DGKB: variants seen among roughly 807,000 people sequenced by gnomAD.
The protein encoded by DGKB is diacylglycerol kinase beta.
In DGKB, 67 loss-of-function variants were observed where a neutral mutation model predicts 114.3. The observed-to-expected ratio is 0.59, with a 90% CI of 0.48 to 0.72. DGKB has a LOEUF of 0.72. Among genes scored for constraint, DGKB ranks in the 30% least tolerant of loss-of-function variants. The pLI, the probability that DGKB is intolerant of heterozygous loss-of-function variation, is 0.00. For synonymous variants in DGKB, 398 were observed against 323.1 expected (o/e 1.23, Z -2.49); for missense variants, 907 against 975.2 (o/e 0.93, Z 0.93).
chr7:14,230,851 T>C (rs1477425322), intron 23 of DGKB, among the ~76,000 whole-genome samples: 1 of 152,052 alleles, frequency 6.6e-6, no homozygotes, highest in Non-Finnish European at 1.5e-5. Flanking sequence ...TAAGTCAAAG[T>C]ACCTCAGGGA....
intron 21 of DGKB, among the ~76,000 whole-genome samples, chr7:14,397,591 CAG>C (rs1452039776): frequency 6.6e-6 from 1 of 152,094 alleles, no homozygotes; most frequent in East Asian, 1.9e-4. Context: ...TTTAGCCTTA[CAG>C]AGTCTCTTTA....
At chr7:14,588,604 C>A (rs930588233) in intron 17 of DGKB, among the ~76,000 whole-genome samples, 1 of 152,122 alleles carries the variant, frequency 6.6e-6, no homozygotes, top group Admixed American at 6.6e-5. Context: ...TCCCTTTCAT[C>A]CTTCCTTTTG....
Position 14,839,371 on chromosome 7 carries a change from G to C in DGKB, c.70+1823C>G, listed in dbSNP as rs150413225. Among the ~76,000 whole-genome samples, 63 of 151,566 alleles carry C rather than the reference G, an allele frequency of 4.2e-4. No individual in the cohort carries two copies. In the East Asian group the frequency reaches 0.011, roughly 26 times the overall value. On this transcript the variant is annotated intron_variant, in intron 2 of 25. Coordinates refer to ENST00000402815, the MANE Select transcript of DGKB (RefSeq NM_001350709.2). ...ACTGCAAGTGATAAAGAAGAAGTAG[G>C]CCATTCTGAACTAAATTTTCTTTAC...
At chr7:14,710,180 T>G (rs1827117011) in intron 6 of DGKB, among the ~76,000 whole-genome samples, 1 of 152,102 alleles carries the variant, frequency 6.6e-6, no homozygotes, top group African/African-American at 2.4e-5. Flanking sequence ...ATTTAGAGCT[T>G]TAATTTCTCT....
chr7:14,220,047 A>C (rs1219224835), intron 23 of DGKB, among the ~76,000 whole-genome samples: 1 of 151,692 alleles, frequency 6.6e-6, no homozygotes, highest in Non-Finnish European at 1.5e-5. Context: ...TTACACAAAT[A>C]TAGATGATAT....
upstream of DGKB, among the ~76,000 whole-genome samples, chr7:14,903,754 C>A (rs913245488): frequency 1.3e-5 from 2 of 152,064 alleles, no homozygotes; most frequent in East Asian, 3.9e-4. Context: ...TTTTGAGGCA[C>A]GTGTGTAAAA....
At chr7:14,888,084 G>T (rs561390740) in intron 1 of DGKB, among the ~76,000 whole-genome samples, 1 of 151,826 alleles carries the variant, frequency 6.6e-6, no homozygotes, top group East Asian at 1.9e-4. Flanking sequence ...GGACAGAGTT[G>T]CAACAAGGTG....
chr7:14,332,341 G>A (rs1186989761), intron 23 of DGKB, among the ~76,000 whole-genome samples: 1 of 152,128 alleles, frequency 6.6e-6, no homozygotes, highest in Non-Finnish European at 1.5e-5. Flanking sequence ...GTTTGAGCCA[G>A]CTGGAATCTG....
At position 14,736,171 on chromosome 7, in the gene DGKB, T is replaced by C. The variant is rs1171340509; in HGVS notation, c.192A>G (p.Lys64=). ...CTTCCAGGAATGTCTTCATGAATAG[T>C]TTGAAACCTTCAAAATCTATTGTCT... ...LNQTIDFEGF[K]LFMKTFLEAE... Residue 64 remains lysine (K), a synonymous_variant, in exon 5 of 26, where the codon AAA becomes AAG. Transcript: ENST00000402815. 3.8e-6 allele frequency: 6 copies of C among 1,587,650 alleles called. No individual in the cohort carries two copies. Among genetic ancestry groups the C allele is most frequent in the South Asian group, 1.2e-5 (1 of 86,702 alleles).
chr7:14,768,452 G>A (rs1836799160), intron 2 of DGKB, among the ~76,000 whole-genome samples: 1 of 146,738 alleles, frequency 6.8e-6, no homozygotes, highest in Admixed American at 6.7e-5. Context: ...TTCTATGATA[G>A]TGCATATCTC....
chr7:14,511,089 C>A (rs1271022503), intron 20 of DGKB, among the ~76,000 whole-genome samples: 1 of 152,166 alleles, frequency 6.6e-6, no homozygotes, highest in Non-Finnish European at 1.5e-5. Context: ...TCAATGAGCA[C>A]TGGCTTCATC....
At chr7:14,357,466 C>G (rs1034193032) in intron 21 of DGKB, among the ~76,000 whole-genome samples, 7 of 152,106 alleles carry the variant, frequency 4.6e-5, no homozygotes, top group Non-Finnish European at 1.0e-4. Flanking sequence ...TTCCTCCATC[C>G]CTTTATTTTG....
chr7:14,562,120 TGCAAGCCCCAAGCCTTGGCA>T (rs1268264138), intron 20 of DGKB, among the ~76,000 whole-genome samples: 3 of 151,942 alleles, frequency 2.0e-5, no homozygotes, highest in Non-Finnish European at 4.4e-5. Context: ...TTCCAGAGGG[TGCAAGCCCCAAGCCTTGGCA>T]GCAAGCTCTA....
chr7:14,666,089 G>A (rs1483111132), intron 13 of DGKB, among the ~76,000 whole-genome samples: 1 of 151,906 alleles, frequency 6.6e-6, no homozygotes, highest in African/African-American at 2.4e-5. Flanking sequence ...TTCAATGTTA[G>A]TATAAATTTA....
chr7:14,244,625 A>G (rs528268955), intron 23 of DGKB, among the ~76,000 whole-genome samples: 103 of 142,706 alleles, frequency 7.2e-4, no homozygotes, highest in Admixed American at 1.4e-3. Context: ...AGCTGAGATC[A>G]CGCCACTGCA....
chr7:14,545,966 G>A (rs1287640071), intron 20 of DGKB, among the ~76,000 whole-genome samples: 1 of 152,164 alleles, frequency 6.6e-6, no homozygotes, highest in Non-Finnish European at 1.5e-5. Context: ...CTTGTTAAGG[G>A]AACGAGAGTA....
chr7:14,538,282 A>G (rs1012991897), intron 20 of DGKB, among the ~76,000 whole-genome samples: 2 of 152,054 alleles, frequency 1.3e-5, no homozygotes, highest in Non-Finnish European at 1.5e-5. Flanking sequence ...AAAACAAAAT[A>G]AACAAAAAAC....
chr7:14,321,455 G>T (rs188008967), intron 23 of DGKB, among the ~76,000 whole-genome samples: 2 of 152,158 alleles, frequency 1.3e-5, no homozygotes, highest in African/African-American at 2.4e-5. Flanking sequence ...CTGAAAAGGT[G>T]TATCCATAAA....
intron 2 of DGKB, among the ~76,000 whole-genome samples, chr7:14,787,058 G>A (rs984550998): frequency 6.6e-6 from 1 of 152,100 alleles, no homozygotes; most frequent in African/African-American, 2.4e-5. Context: ...CAGTAGATAG[G>A]AGCTACCCCG....
Sources: gnomAD v4.1 joint callset for allele counts (sites outside exome capture counted in the v4.1 genomes callset) on GRCh38, gnomAD v4.1.1 for gene constraint, MANE v1.5 for transcripts, NCBI Gene and HGNC (gene_info 2026-07-23, HGNC 2026-07-21) for gene names.